The following CFAP44 variants were observed in gnomAD, a reference collection of about 807,000 sequenced individuals.
CFAP44 encodes cilia- and flagella-associated protein 44.
Under a neutral mutation model 216.2 loss-of-function variants are expected in CFAP44, and 134 were observed. The ratio of observed to expected loss-of-function variants is 0.62; its 90% CI spans 0.54 to 0.72. The LOEUF (loss-of-function observed/expected upper bound fraction) is 0.72. CFAP44 is among the 30% of genes least tolerant of loss of function. CFAP44 has a pLI of 0.00. For synonymous variants in CFAP44, 700 were observed against 727.6 expected, an observed-to-expected ratio of 0.96 and a Z score of 0.61; for missense variants, 2,035 against 2,182.1, an observed-to-expected ratio of 0.93 and a Z score of 1.34.
At chr3:113,367,729 T>G (rs1933002219) in intron 18 of CFAP44, among the ~76,000 whole-genome samples, 1 of 152,190 alleles carries the variant, frequency 6.6e-6, no homozygotes, top group Admixed American at 6.5e-5. Flanking sequence ...GAATGGAGAA[T>G]GATTTTGATG....
chr3:113,413,609 C>A (rs976855730), intron 6 of CFAP44, among the ~76,000 whole-genome samples: 2 of 152,182 alleles, frequency 1.3e-5, no homozygotes, highest in Non-Finnish European at 2.9e-5. Context: ...TTTCCCAGCA[C>A]CACTTACTGA....
chr3:113,332,672 C>G (rs905025506), intron 25 of CFAP44, among the ~76,000 whole-genome samples: 2 of 152,004 alleles, frequency 1.3e-5, no homozygotes, highest in African/African-American at 4.8e-5. Context: ...GGAAGAGGAA[C>G]TTTCATAAGA....
intron 15 of CFAP44, among the ~76,000 whole-genome samples, chr3:113,391,777 AG>A (rs1933846206): frequency 6.6e-6 from 1 of 152,182 alleles, no homozygotes; most frequent in South Asian, 2.1e-4. Context: ...AGAAGGCATG[AG>A]AATGGCAAAC....
In CFAP44 at chr3:113,379,343, C is replaced by A; in HGVS notation, c.2261G>T (p.Gly754Val). 6.2e-7 allele frequency: 1 copy of A among 1,605,842 alleles called. No homozygotes were observed. Among genetic ancestry groups the A allele is most frequent in the Non-Finnish European group, 8.5e-7 (1 of 1,174,326 alleles). ...GAACTTCCCTGGCTCTGAGTAAAAT[C>A]CACAGAGGATGGGAGAGGGGGTTGA... ...IPSTPSPILC[G>V]FYSEPGKFWV... is the part of the protein sequence containing the mutation. The change falls in exon 17 of 35, where the codon GGA (glycine) becomes GTA (valine). Residue 754 changes from glycine (G) to valine (V), a missense_variant. Gly to Val is a moderately radical substitution (Grantham distance 109). Around this residue, in one of 3 missense-constraint regions of CFAP44, gnomAD observed 1,883 missense variants for 2,023.7 expected, o/e 0.93. Coordinates refer to ENST00000393845, the MANE Select transcript of CFAP44 (RefSeq NM_001164496.2).
In CFAP44 at chr3:113,326,545, T is replaced by G; in HGVS notation, c.4416A>C (p.Gln1472His). 6.5e-7 allele frequency: 1 copy of G among 1,532,618 alleles called. No individual in the cohort carries two copies. Among genetic ancestry groups the G allele is most frequent in the Non-Finnish European group, 8.7e-7 (1 of 1,144,998 alleles). The allele number at this position is 1,532,618 out of a possible 1,614,324, so 94.9% of individuals were successfully genotyped here. Residue 1472 changes from glutamine to histidine, a missense_variant, in exon 28 of 35, where the codon CAA (glutamine) becomes CAC (histidine). This residue lies in a region of CFAP44 where 1,883 missense variants were observed against 2,023.7 expected (regional missense o/e 0.93). Transcript: ENST00000393845. ...ATTTATTGTTTTCTCCAATGGCTGC[T>G]TGAAAACCAGCATAGAGTGCCTTTT... ...EQEKALYAGF[Q>H]AAIGENNKFA...
At chr3:113,383,474 A>G (rs1933566909) in intron 15 of CFAP44, among the ~76,000 whole-genome samples, 1 of 152,172 alleles carries the variant, frequency 6.6e-6, no homozygotes, top group Non-Finnish European at 1.5e-5. Flanking sequence ...TCCAAATACT[A>G]TCACATGGGG....
At chr3:113,379,215 C>A (rs969542656) in intron 17 of CFAP44, 91 bp downstream of exon 17, 3 of 972,402 alleles carry the variant, frequency 3.1e-6, no homozygotes, top group South Asian at 3.9e-5. Context: ...TAAATGAAAT[C>A]TTAACATAAG....
At chr3:113,358,228 T>C (rs1950508823) in intron 22 of CFAP44, among the ~76,000 whole-genome samples, 1 of 152,192 alleles carries the variant, frequency 6.6e-6, no homozygotes, top group Admixed American at 6.6e-5. Context: ...AAATGTTCTC[T>C]ATCTTAATCT....
intron 19 of CFAP44, among the ~76,000 whole-genome samples, chr3:113,364,677 T>A (rs1016967853): frequency 6.6e-6 from 1 of 152,142 alleles, no homozygotes; most frequent in Non-Finnish European, 1.5e-5. Flanking sequence ...TAAACAAAAG[T>A]TCCAAAAATA....
intron 32 of CFAP44, among the ~76,000 whole-genome samples, chr3:113,297,675 C>T (rs1016995442): frequency 6.6e-6 from 1 of 152,166 alleles, no homozygotes; most frequent in African/African-American, 2.4e-5. Flanking sequence ...AACTAACTAA[C>T]ATGTAAGATC....
At chr3:113,380,840 A>G (rs77775695) in intron 16 of CFAP44, 59 bp downstream of exon 16, 91,038 of 1,361,186 alleles carry the variant, frequency 0.067, 3,628 homozygotes, top group East Asian at 0.17. Context: ...AACATAGGAT[A>G]TTTTATATTC....
At chr3:113,433,843 G>A (rs923735128) in intron 1 of CFAP44, 174 bp from the exon 2 acceptor site, 15 of 541,396 alleles carry the variant, frequency 2.8e-5, no homozygotes, top group Middle Eastern at 4.5e-4. Flanking sequence ...AGAGACCTCT[G>A]ACCTCTGCAA....
In CFAP44 at chr3:113,379,454, T is replaced by C; in HGVS notation, c.2150A>G (p.Asp717Gly). The C allele has an allele frequency of 1.9e-6, 3 of 1,612,034 alleles. No individual in the cohort carries two copies. The highest frequency in any genetic ancestry group is 2.5e-6 in the Non-Finnish European group (3 of 1,178,166). Residue 717 changes from aspartate to glycine, a missense_variant, in exon 17 of 35, where the codon GAT becomes GGT. This residue lies in a region of CFAP44 where 1,883 missense variants were observed against 2,023.7 expected (regional missense o/e 0.93). Transcript: ENST00000393845. ...RNKLAAEMGE[D>G]GEKEFQEEEE... The stretch of plus-strand genomic sequence containing the variant: ...CTCCTCCTGAAATTCTTTTTCTCCA[T>C]CTTCTCCCATCTCTGCTGCTAGCTT...
chr3:113,411,559 T>A (rs1934473297), intron 6 of CFAP44, among the ~76,000 whole-genome samples: 1 of 152,212 alleles, frequency 6.6e-6, no homozygotes, highest in Non-Finnish European at 1.5e-5. Flanking sequence ...CCTTGTAGTA[T>A]AGTTTGAAGT....
intron 17 of CFAP44, among the ~76,000 whole-genome samples, chr3:113,374,125 A>G (rs1933260835): frequency 6.6e-6 from 1 of 152,200 alleles, no homozygotes; most frequent in South Asian, 2.1e-4. Context: ...TAAATAAGAA[A>G]GAGAATGTAA....
At chr3:113,331,243 C>A (rs748936185) in intron 25 of CFAP44, among the ~76,000 whole-genome samples, 26 of 152,148 alleles carry the variant, frequency 1.7e-4, no homozygotes, top group South Asian at 4.2e-4. Context: ...CATTCCTTCT[C>A]CATTTATCAA....
chr3:113,389,813 T>G (rs1933744972), intron 15 of CFAP44, among the ~76,000 whole-genome samples: 5 of 151,766 alleles, frequency 3.3e-5, no homozygotes, highest in Admixed American at 3.3e-4. Context: ...ATGAAGAAAT[T>G]CAAAACGTGA....
chr3:113,366,592 T>C (rs1005909916), intron 18 of CFAP44, among the ~76,000 whole-genome samples: 4 of 152,140 alleles, frequency 2.6e-5, no homozygotes, highest in African/African-American at 9.7e-5. Context: ...AGGGGGTCAC[T>C]TCCAAGATGG....
At chr3:113,335,237 C>T (rs185950034) in intron 24 of CFAP44, among the ~76,000 whole-genome samples, 2 of 152,268 alleles carry the variant, frequency 1.3e-5, no homozygotes, top group Admixed American at 6.5e-5. Context: ...CAGCATAAAA[C>T]TGTAATTCTT....
Sources: allele counts gnomAD v4.1 joint callset (sites outside exome capture counted in the v4.1 genomes callset), GRCh38; gene constraint gnomAD v4.1.1; regional missense constraint gnomAD v4.1.1; transcripts MANE v1.5; gene names NCBI Gene and HGNC (gene_info 2026-07-23, HGNC 2026-07-21).